The following SMYD3 variants were observed in gnomAD, a reference collection of about 807,000 sequenced individuals.
SMYD3 encodes the protein histone-lysine N-methyltransferase SMYD3.
A neutral mutation model predicts 57.7 loss-of-function variants in SMYD3; 36 were observed. That is an observed-to-expected ratio of 0.62 (90% CI 0.48 to 0.82). The LOEUF is 0.82. Ranked by LOEUF, SMYD3 falls within the 40% of genes least tolerant of loss-of-function variation. The pLI, the probability that SMYD3 is intolerant of heterozygous loss-of-function variation, is 0.00. For missense variants in SMYD3, 515 were observed against 538.8 expected, an observed-to-expected ratio of 0.96 and a Z score of 0.44; for synonymous variants, 211 against 195.0, an observed-to-expected ratio of 1.08 and a Z score of -0.68.
At chr1:246,216,912 A>G (rs1189591642) in intron 5 of SMYD3, among the ~76,000 whole-genome samples, 1 of 152,134 alleles carries the variant, frequency 6.6e-6, no homozygotes, top group Non-Finnish European at 1.5e-5. Flanking sequence ...TGTGGGCCTC[A>G]TCCAGACTGG....
rs1299046999 is a variant in SMYD3, at chr1:246,114,133, AGG to A, written c.532-184198_532-184197del. Reference sequence around the variant, plus strand: ...GCACTAATTTCAGATGGGCTCTGACAGGGGACAGTTTTAAGAATTTATAGAGA... The same window carrying A: ...GCACTAATTTCAGATGGGCTCTGACAGGACAGTTTTAAGAATTTATAGAGA... On this transcript the variant is annotated intron_variant, in intron 5 of 11. Coordinates refer to ENST00000490107, the MANE Select transcript of SMYD3 (RefSeq NM_001167740.2). Among the ~76,000 whole-genome samples, 5 of 111,652 alleles carry A rather than the reference AGG, an allele frequency of 4.5e-5. No homozygotes were observed. The South Asian group carries it at 1.1e-3, about 24-fold the overall frequency. 73.2% of individuals were successfully genotyped at this position (111,652 alleles called of 152,430 possible).
intron 5 of SMYD3, among the ~76,000 whole-genome samples, chr1:246,192,099 G>A (rs1055367326): frequency 6.6e-5 from 10 of 152,048 alleles, no homozygotes; most frequent in Non-Finnish European, 1.3e-4. Context: ...TTTTGTTGTT[G>A]TTTTTGTTGC....
At chr1:246,433,421 G>A (rs1465382969) in intron 1 of SMYD3, among the ~76,000 whole-genome samples, 1 of 152,210 alleles carries the variant, frequency 6.6e-6, no homozygotes, top group Non-Finnish European at 1.5e-5. Flanking sequence ...AGCACTTTGG[G>A]AGGCCAAGGT....
intron 2 of SMYD3, 80 bp downstream of exon 2, chr1:246,354,951 A>G: frequency 7.9e-7 from 1 of 1,272,594 alleles, no homozygotes; most frequent in Non-Finnish European, 1.1e-6. Flanking sequence ...AAGTAGACAC[A>G]GGCCAACAGG....
chr1:246,130,109 C>CA (rs1463901141), intron 5 of SMYD3, among the ~76,000 whole-genome samples: 3 of 152,138 alleles, frequency 2.0e-5, no homozygotes, highest in Admixed American at 1.3e-4. Flanking sequence ...GTGACCACAG[C>CA]AAGTCATCAG....
chr1:245,954,884 T>G (rs948696785), intron 5 of SMYD3, among the ~76,000 whole-genome samples: 1 of 152,190 alleles, frequency 6.6e-6, no homozygotes, highest in Non-Finnish European at 1.5e-5. Flanking sequence ...TAAATTGTCA[T>G]CAGATAAATC....
chr1:246,213,941 T>C (rs2063125827), intron 5 of SMYD3, among the ~76,000 whole-genome samples: 1 of 152,306 alleles, frequency 6.6e-6, no homozygotes, highest in South Asian at 2.1e-4. Flanking sequence ...TATCAAGAGC[T>C]CTGCAGAGCT....
intron 2 of SMYD3, among the ~76,000 whole-genome samples, chr1:246,340,272 T>C (rs916075063): frequency 9.3e-5 from 14 of 149,880 alleles, no homozygotes; most frequent in African/African-American, 2.4e-4. Flanking sequence ...ATTTTTGTCT[T>C]GGGGGAAGAA....
chr1:246,505,089 T>A (rs2068515641), intron 1 of SMYD3, among the ~76,000 whole-genome samples: 2 of 152,378 alleles, frequency 1.3e-5, no homozygotes, highest in East Asian at 1.9e-4. Context: ...AAATATTTTG[T>A]GTCTGTGTAA....
intron 5 of SMYD3, among the ~76,000 whole-genome samples, chr1:246,037,818 T>C (rs2059802508): frequency 1.3e-5 from 2 of 152,238 alleles, no homozygotes; most frequent in Admixed American, 6.5e-5. Flanking sequence ...CCTGCCTATT[T>C]TTCTACTGGT....
At chr1:245,931,510 TTC>T (rs1396437588) in intron 5 of SMYD3, among the ~76,000 whole-genome samples, 1 of 152,168 alleles carries the variant, frequency 6.6e-6, no homozygotes, top group Admixed American at 6.5e-5. Flanking sequence ...AGTCCAACAG[TTC>T]TGTTTTGGTT....
chr1:246,041,745 T>G (rs1317338900), intron 5 of SMYD3, among the ~76,000 whole-genome samples: 4 of 151,556 alleles, frequency 2.6e-5, no homozygotes, highest in Non-Finnish European at 5.9e-5. Context: ...TTGGAGGGGG[T>G]ATAACCTCTC....
chr1:246,156,518 T>A (rs1008250779), intron 5 of SMYD3, among the ~76,000 whole-genome samples: 7 of 152,216 alleles, frequency 4.6e-5, no homozygotes, highest in African/African-American at 1.7e-4. Flanking sequence ...CAAGGTGAAC[T>A]CACAGAAACC....
intron 1 of SMYD3, among the ~76,000 whole-genome samples, chr1:246,476,456 T>G (rs1246926221): frequency 6.6e-6 from 1 of 152,240 alleles, no homozygotes; most frequent in Non-Finnish European, 1.5e-5. Context: ...CCTGAGATTT[T>G]ACATTTCCAA....
At chr1:245,810,957 A>C (rs6605250) in intron 10 of SMYD3, among the ~76,000 whole-genome samples, 149,960 of 152,286 alleles carry the variant, frequency 0.98, 73,852 homozygotes, top group Middle Eastern at 1. Flanking sequence ...CATACTCTGG[A>C]CAAAATCCCT....
chr1:245,991,540 T>C (rs923996521), intron 5 of SMYD3, among the ~76,000 whole-genome samples: 8 of 152,172 alleles, frequency 5.3e-5, no homozygotes, highest in Non-Finnish European at 4.4e-5. Flanking sequence ...CACAGTCAAC[T>C]CAAAGATGGA....
chr1:245,855,536 C>T (rs894711767), intron 10 of SMYD3, among the ~76,000 whole-genome samples: 1 of 152,162 alleles, frequency 6.6e-6, no homozygotes, highest in African/African-American at 2.4e-5. Context: ...ATTCTACTTC[C>T]TGTTTACAAT....
intron 5 of SMYD3, among the ~76,000 whole-genome samples, chr1:245,983,998 C>CTTT (rs534310953): frequency 1.4e-4 from 19 of 134,444 alleles, no homozygotes; most frequent in African/African-American, 4.7e-4. Flanking sequence ...CAAGTCTACT[C>CTTT]TTTTTTTTTT....
At chr1:246,424,424 AAAAT>A (rs1188349922) in intron 1 of SMYD3, among the ~76,000 whole-genome samples, 2 of 152,116 alleles carry the variant, frequency 1.3e-5, no homozygotes, top group Non-Finnish European at 2.9e-5. Flanking sequence ...ATAAATTAAA[AAAAT>A]AAATAAATAA....
Sources: gnomAD v4.1 joint callset for allele counts (sites outside exome capture counted in the v4.1 genomes callset) on GRCh38, gnomAD v4.1.1 for gene constraint, MANE v1.5 for transcripts, NCBI Gene and HGNC (gene_info 2026-07-23, HGNC 2026-07-21) for gene names.